Variants in WDFY3 observed in about 807,000 individuals in gnomAD.
WDFY3 encodes WD repeat and FYVE domain containing 3.
WDFY3 carries 66 observed loss-of-function variants against 409.6 expected under a neutral mutation model. That is an observed-to-expected ratio of 0.16 (90% CI 0.13 to 0.20). The LOEUF (loss-of-function observed/expected upper bound fraction) is 0.20, where lower values mean the gene tolerates loss of function less well. Among genes scored for constraint, WDFY3 ranks in the 10% least tolerant of loss-of-function variants. WDFY3 has a pLI of 1.00. For missense variants in WDFY3, 3,031 were observed against 4,298.1 expected (o/e 0.71, Z 8.24); for synonymous variants, 1,521 against 1,537.1 (o/e 0.99, Z 0.25).
intron 32 of WDFY3, among the ~76,000 whole-genome samples, chr4:84,758,663 T>A (rs1456239136): frequency 2.0e-5 from 3 of 152,176 alleles, no homozygotes; most frequent in African/African-American, 7.2e-5. Flanking sequence ...TTCAAAATAT[T>A]TTATCCTAAC....
At chr4:84,922,966 GT>G (rs1313871585) in intron 2 of WDFY3, among the ~76,000 whole-genome samples, 1 of 152,328 alleles carries the variant, frequency 6.6e-6, no homozygotes, top group East Asian at 1.9e-4. Context: ...AAAAATCGAA[GT>G]GTTTGGCCTA....
In WDFY3 at chr4:84,721,568, C is replaced by A. The variant is rs764404493; in HGVS notation, c.7446G>T (p.Leu2482Phe). The change falls in exon 47 of 68, where the codon TTG (leucine) becomes TTT (phenylalanine). Residue 2482 changes from leucine (L) to phenylalanine (F), a missense_variant. Coordinates refer to ENST00000295888, the MANE Select transcript of WDFY3 (RefSeq NM_014991.6). ...GGGAGCGTTTTAGAGGAGGCTTGAC[C>A]AAACCTACAGTATAATAACCAAGAG... ...GEDTIAKVKG[L>F]VKPPLKRSRS... 6.2e-7 allele frequency: 1 copy of A among 1,604,554 alleles called. No individual in the cohort carries two copies. The highest frequency in any genetic ancestry group is 1.1e-5 in the South Asian group (1 of 91,072).
chr4:84,675,638 C>A (rs1053111585), intron 67 of WDFY3, among the ~76,000 whole-genome samples: 2 of 152,086 alleles, frequency 1.3e-5, no homozygotes, highest in African/African-American at 4.8e-5. Context: ...AAGACTATGC[C>A]CATACCAGTA....
At chr4:84,679,346 CAT>C (rs1465757487) in intron 64 of WDFY3, 104 bp from the exon 65 acceptor site, 1 of 1,150,454 alleles carries the variant, frequency 8.7e-7, no homozygotes, top group Non-Finnish European at 1.2e-6. Context: ...CCTCTATAGA[CAT>C]AATATTTTAA....
At chr4:84,692,816 AT>A (rs1262635332) in intron 59 of WDFY3, 68 bp downstream of exon 59, 1 of 1,467,170 alleles carries the variant, frequency 6.8e-7, no homozygotes, top group African/African-American at 1.4e-5. Context: ...CAAATTTGTT[AT>A]TGTTAAACTG....
At chr4:84,772,010 G>C (rs113495835) in intron 30 of WDFY3, among the ~76,000 whole-genome samples, 1 of 152,192 alleles carries the variant, frequency 6.6e-6, no homozygotes, top group African/African-American at 2.4e-5. Flanking sequence ...CTGTGCTCGG[G>C]AAGGACAGAC....
intron 3 of WDFY3, among the ~76,000 whole-genome samples, chr4:84,872,946 G>A (rs1157660183): frequency 1.3e-5 from 2 of 152,076 alleles, no homozygotes; most frequent in Non-Finnish European, 2.9e-5. Context: ...ATAAAAAGAG[G>A]CATTATATAC....
chr4:84,937,335 C>T (rs12503215), intron 1 of WDFY3, among the ~76,000 whole-genome samples: 61,717 of 151,898 alleles, frequency 0.41, 13,101 homozygotes, highest in African/African-American at 0.51. Context: ...CCTATCTCAT[C>T]GACCTCTCCT....
At chr4:84,709,853 G>T (rs563742604) in intron 51 of WDFY3, among the ~76,000 whole-genome samples, 1 of 151,938 alleles carries the variant, frequency 6.6e-6, no homozygotes, top group Non-Finnish European at 1.5e-5. Flanking sequence ...CAGCCTCCTG[G>T]GTAGCTGGGA....
chr4:84,771,003 A>G (rs1018147783), intron 30 of WDFY3, among the ~76,000 whole-genome samples: 68 of 152,348 alleles, frequency 4.5e-4, no homozygotes, highest in African/African-American at 1.5e-3. Flanking sequence ...TGGCATATCA[A>G]AAGAAAAATT....
chr4:84,784,905 CACACACACACACACAT>C (rs1377152020), intron 24 of WDFY3, among the ~76,000 whole-genome samples: 1 of 145,132 alleles, frequency 6.9e-6, no homozygotes, highest in African/African-American at 2.6e-5. Context: ...CACACACACA[CACACACACACACACAT>C]ACACACCTTG....
chr4:84,723,050 G>T (rs1735091535), intron 46 of WDFY3, among the ~76,000 whole-genome samples: 1 of 152,126 alleles, frequency 6.6e-6, no homozygotes, highest in Non-Finnish European at 1.5e-5. Flanking sequence ...GGAAAATCAG[G>T]CCAGAGAAGT....
In WDFY3 at chr4:84,803,336, G is replaced by C. The variant is rs1194198205; in HGVS notation, c.2561C>G (p.Ala854Gly). Reference sequence around the variant, plus strand: ...AACAGAGGCCAGTAGGTCCAGCATGGCAAGCATGGCTCCAGGATGAATGAT... The same window carrying C: ...AACAGAGGCCAGTAGGTCCAGCATGCCAAGCATGGCTCCAGGATGAATGAT... The part of the protein sequence containing the change: ...AVIIHPGAML[A>G]MLDLLASVGS... Residue 854 changes from alanine (A) to glycine (G), a missense_variant, in exon 16 of 68, where the codon GCC becomes GGC. This residue lies in a region of WDFY3 where 1,322 missense variants were observed against 1,697.9 expected (regional missense o/e 0.78). Transcript: ENST00000295888. 1 of 1,613,902 alleles carries C rather than the reference G, an allele frequency of 6.2e-7. No individual in the cohort carries two copies. The highest frequency in any genetic ancestry group is 1.7e-5 in the Admixed American group (1 of 59,962).
chr4:84,767,478 T>C (rs1743864491), intron 30 of WDFY3, among the ~76,000 whole-genome samples: 1 of 151,864 alleles, frequency 6.6e-6, no homozygotes, highest in African/African-American at 2.4e-5. Flanking sequence ...AAGCAAGAAA[T>C]GATTAAGTTC....
chr4:84,855,356 T>C (rs1759617960), intron 4 of WDFY3, among the ~76,000 whole-genome samples: 1 of 152,188 alleles, frequency 6.6e-6, no homozygotes, highest in Non-Finnish European at 1.5e-5. Flanking sequence ...AAACTGTGCA[T>C]AGTGTTCATC....
chr4:84,702,273 A>G, intron 56 of WDFY3, 80 bp downstream of exon 56: 1 of 1,431,264 alleles, frequency 7.0e-7, no homozygotes, highest in Non-Finnish European at 9.3e-7. Context: ...TGTGCTGCAG[A>G]CAATCTTCAG....
intron 5 of WDFY3, chr4:84,849,530 A>AAATAC (rs1343973156): frequency 6.2e-6 from 1 of 160,222 alleles, no homozygotes; most frequent in East Asian, 1.9e-4. Flanking sequence ...GATTTGGTTG[A>AAATAC]AATACAGAAA....
chr4:84,724,673 T>A, intron 45 of WDFY3, 79 bp from the exon 46 acceptor site: 2 of 1,489,932 alleles, frequency 1.3e-6, no homozygotes, highest in Non-Finnish European at 1.8e-6. Context: ...GAAGGTATGG[T>A]GTCAAGGTGT....
intron 32 of WDFY3, among the ~76,000 whole-genome samples, chr4:84,759,666 CT>C: frequency 6.7e-6 from 1 of 148,956 alleles, no homozygotes; most frequent in South Asian, 2.2e-4. Context: ...TATCCTGAGA[CT>C]TTGCTGAAGT....
Sources: gnomAD v4.1 joint callset for allele counts (sites outside exome capture counted in the v4.1 genomes callset) on GRCh38, gnomAD v4.1.1 for gene constraint, gnomAD v4.1.1 regional missense constraint, MANE v1.5 for transcripts, NCBI Gene and HGNC (gene_info 2026-07-23, HGNC 2026-07-21) for gene names.